The following FER variants were observed in gnomAD, a reference collection of about 807,000 sequenced individuals.
FER encodes FER tyrosine kinase.
In FER, 63 loss-of-function variants were observed where a neutral mutation model predicts 111.0. The observed-to-expected ratio is 0.57, with a 90% CI of 0.46 to 0.70. FER has a LOEUF of 0.70. Ranked by LOEUF, FER falls within the 30% of genes least tolerant of loss-of-function variation. FER has a pLI of 0.00. For synonymous variants in FER, 327 were observed against 313.9 expected (o/e 1.04, Z -0.44); for missense variants, 914 against 954.0 (o/e 0.96, Z 0.55).
At position 109,187,512 on chromosome 5, in the gene FER, A is replaced by T; in HGVS notation, c.2406A>T (p.Glu802Asp). The change falls in exon 20 of 20, where the codon GAA becomes GAT. Residue 802 changes from glutamate to aspartate, a missense_variant. Coordinates refer to ENST00000281092, the MANE Select transcript of FER (RefSeq NM_005246.4). ...TGAAGTGTTGGGATTATAAACCTGA[A>T]AATCGCCCTAAGTTCAGTGAACTTC... ...IMMKCWDYKPENRPKFSELQK... is the reference protein window; with the variant it reads ...IMMKCWDYKPDNRPKFSELQK... The T allele has an allele frequency of 6.2e-7, 1 of 1,614,124 alleles. No individual in the cohort carries two copies. Among genetic ancestry groups the T allele is most frequent in the Non-Finnish European group, 8.5e-7 (1 of 1,180,004 alleles).
chr5:109,060,803 A>G (rs927567302), intron 16 of FER, among the ~76,000 whole-genome samples: 1 of 150,510 alleles, frequency 6.6e-6, no homozygotes, highest in Non-Finnish European at 1.5e-5. Context: ...CCAAACACAC[A>G]TATGTAAACA....
rs1188890329 is a variant in FER at position 109,171,521 on chromosome 5, A to G, written c.2049-9226A>G. On this transcript the variant is annotated intron_variant, in intron 17 of 19. Coordinates refer to ENST00000281092, the MANE Select transcript of FER (RefSeq NM_005246.4). ...GTATCTGGCACATATAAAGGACTCA[A>G]TAAATGACAGCCATTATCATGACGG... Among the ~76,000 whole-genome samples the G allele has an allele frequency of 2.0e-5, 3 of 152,216 alleles. No individual in the cohort carries two copies. The East Asian group carries it at 5.8e-4, about 29-fold the overall frequency.
chr5:108,850,377 A>G (rs890761119), intron 5 of FER, among the ~76,000 whole-genome samples: 2 of 152,064 alleles, frequency 1.3e-5, no homozygotes, highest in Non-Finnish European at 2.9e-5. Flanking sequence ...TTTCTTCTGC[A>G]TAAGTTAAAT....
intron 5 of FER, among the ~76,000 whole-genome samples, chr5:108,845,066 A>G (rs1307413484): frequency 1.3e-5 from 1 of 74,338 alleles, no homozygotes; most frequent in Non-Finnish European, 2.7e-5. Flanking sequence ...ATATATATAT[A>G]TACACACACA....
chr5:108,799,379 A>G (rs1756389376), intron 3 of FER, among the ~76,000 whole-genome samples: 1 of 152,210 alleles, frequency 6.6e-6, no homozygotes. Flanking sequence ...TTTGGGTCTT[A>G]GGATTTGAGT....
chr5:109,159,958 A>G (rs1755824186), intron 17 of FER, among the ~76,000 whole-genome samples: 1 of 152,112 alleles, frequency 6.6e-6, no homozygotes, highest in Non-Finnish European at 1.5e-5. Context: ...AAAGTGACAA[A>G]GAGAAAGACT....
chr5:108,986,841 CTG>C (rs1762628181), intron 13 of FER, among the ~76,000 whole-genome samples: 1 of 152,098 alleles, frequency 6.6e-6, no homozygotes, highest in Admixed American at 6.5e-5. Context: ...GTTTTGGTGA[CTG>C]TGGCTTTATA....
At chr5:108,779,560 G>C (rs191044921) in intron 2 of FER, among the ~76,000 whole-genome samples, 199 of 152,224 alleles carry the variant, frequency 1.3e-3, no homozygotes, top group African/African-American at 4.3e-3. Flanking sequence ...CAATATAAAT[G>C]TTGTTGTGTT....
At chr5:108,861,272 T>TA (rs933149668) in intron 5 of FER, among the ~76,000 whole-genome samples, 3 of 152,160 alleles carry the variant, frequency 2.0e-5, no homozygotes, top group African/African-American at 7.2e-5. Flanking sequence ...AAGTTTATAA[T>TA]AAAAAAAGTG....
At chr5:108,767,289 T>C (rs1345172219) in intron 1 of FER, among the ~76,000 whole-genome samples, 1 of 151,972 alleles carries the variant, frequency 6.6e-6, no homozygotes, top group Non-Finnish European at 1.5e-5. Context: ...GGTGACAGAG[T>C]GAGACTCCAT....
chr5:109,056,929 A>C (rs940259084), intron 16 of FER, among the ~76,000 whole-genome samples: 1 of 152,122 alleles, frequency 6.6e-6, no homozygotes, highest in South Asian at 2.1e-4. Context: ...TTGCATTTCC[A>C]TATTAATTTT....
chr5:109,051,243 G>T, intron 16 of FER: 1 of 978,708 alleles, frequency 1.0e-6, no homozygotes, highest in Non-Finnish European at 1.6e-6. Flanking sequence ...TTAACACCTG[G>T]TGCACTTTCT....
chr5:108,952,474 G>A (rs1757894745), intron 11 of FER, among the ~76,000 whole-genome samples: 1 of 149,670 alleles, frequency 6.7e-6, no homozygotes, highest in African/African-American at 2.4e-5. Flanking sequence ...CTGTGTATGT[G>A]TGTATATACA....
At chr5:109,159,045 A>G (rs1284503530) in intron 17 of FER, among the ~76,000 whole-genome samples, 2 of 152,124 alleles carry the variant, frequency 1.3e-5, no homozygotes, top group Non-Finnish European at 2.9e-5. Flanking sequence ...GTTTAATCAC[A>G]TTTTTTAAAA....
chr5:108,990,805 A>T (rs78534295), intron 13 of FER, among the ~76,000 whole-genome samples: 7,070 of 151,814 alleles, frequency 0.047, 262 homozygotes, highest in South Asian at 0.11. Flanking sequence ...AAATAAAATC[A>T]AGCAATACAG....
chr5:108,922,125 A>G (rs1487519391), intron 10 of FER, among the ~76,000 whole-genome samples: 1 of 152,192 alleles, frequency 6.6e-6, no homozygotes, highest in Non-Finnish European at 1.5e-5. Flanking sequence ...TGGGGCTACC[A>G]GAAGCTATAG....
intron 7 of FER, among the ~76,000 whole-genome samples, chr5:108,871,859 T>A (rs532459134): frequency 3.9e-5 from 6 of 152,194 alleles, no homozygotes; most frequent in Admixed American, 1.3e-4. Context: ...TATTTTATAC[T>A]TAATACAATT....
intron 2 of FER, among the ~76,000 whole-genome samples, chr5:108,780,442 T>G (rs1464988370): frequency 6.6e-6 from 1 of 151,990 alleles, no homozygotes; most frequent in African/African-American, 2.4e-5. Flanking sequence ...CTTCACTCCC[T>G]TCTTGCTTAT....
intron 10 of FER, among the ~76,000 whole-genome samples, chr5:108,934,412 GA>G (rs1301342131): frequency 6.6e-6 from 1 of 152,068 alleles, no homozygotes; most frequent in African/African-American, 2.4e-5. Context: ...AAATGTGATA[GA>G]ATAAAAATTA....
Sources: allele counts gnomAD v4.1 joint callset (sites outside exome capture counted in the v4.1 genomes callset), GRCh38; gene constraint gnomAD v4.1.1; transcripts MANE v1.5; gene names NCBI Gene and HGNC (gene_info 2026-07-23, HGNC 2026-07-21).